The following WWOX variants were observed in gnomAD, a reference collection of about 807,000 sequenced individuals.
WWOX encodes the protein WW domain-containing oxidoreductase.
Under a neutral mutation model 46.2 loss-of-function variants are expected in WWOX, and 69 were observed. The ratio of observed to expected loss-of-function variants is 1.49; its 90% CI spans 1.23 to 1.82. The LOEUF is 1.82. Ranked by LOEUF, WWOX falls within the 40% of genes most tolerant of loss-of-function variation. WWOX has a pLI of 0.00. For synonymous variants in WWOX, 359 were observed against 202.6 expected (o/e 1.77, Z -6.56); for missense variants, 919 against 542.6 (o/e 1.69, Z -6.89).
chr16:78,342,516 C>A (rs73576484), intron 5 of WWOX, among the ~76,000 whole-genome samples: 1,945 of 120,014 alleles, frequency 0.016, 443 homozygotes, highest in African/African-American at 0.052. Context: ...GAGAGTGAGT[C>A]CCTGGCCCCT....
chr16:79,006,197 C>T (rs143707573), intron 8 of WWOX, among the ~76,000 whole-genome samples: 25 of 152,256 alleles, frequency 1.6e-4, no homozygotes, highest in East Asian at 9.7e-4. Context: ...GTTTGGCCTG[C>T]GGCAGGAAAG....
chr16:79,205,061 C>G (rs964875549), intron 8 of WWOX: 1 of 152,196 alleles, frequency 6.6e-6, no homozygotes, highest in Non-Finnish European at 1.5e-5. Context: ...TTTGGGATGG[C>G]TGCACCGTAA....
At chr16:78,596,704 C>A (rs1473241990) in intron 8 of WWOX, among the ~76,000 whole-genome samples, 1 of 152,104 alleles carries the variant, frequency 6.6e-6, no homozygotes, top group Non-Finnish European at 1.5e-5. Context: ...GAGAGGTAAG[C>A]CGGGCCTAGT....
At chr16:79,038,035 G>A (rs1194457621) in intron 8 of WWOX, among the ~76,000 whole-genome samples, 1 of 152,080 alleles carries the variant, frequency 6.6e-6, no homozygotes, top group Non-Finnish European at 1.5e-5. Flanking sequence ...CAGTTCCCCT[G>A]TACAGATTCC....
chr16:78,540,551 C>T (rs1470360351), intron 8 of WWOX, among the ~76,000 whole-genome samples: 2 of 152,158 alleles, frequency 1.3e-5, no homozygotes, highest in Non-Finnish European at 2.9e-5. Flanking sequence ...ACCAATTGCT[C>T]ATTAATGCTG....
At chr16:79,096,398 G>A (rs1351823729) in intron 8 of WWOX, among the ~76,000 whole-genome samples, 2 of 152,026 alleles carry the variant, frequency 1.3e-5, no homozygotes, top group African/African-American at 2.4e-5. Flanking sequence ...CTTCCTGCCA[G>A]TGCTCTTCCC....
In WWOX at chr16:78,316,053, C is replaced by G. The variant is rs1021721353; in HGVS notation, c.517-70807C>G. Among the ~76,000 whole-genome samples, 3 of 151,984 alleles carry G rather than the reference C, an allele frequency of 2.0e-5. No individual in the cohort carries two copies. The East Asian group carries it at 5.8e-4, about 29-fold the overall frequency. The stretch of plus-strand genomic sequence containing the variant: ...TTGAGGTCAGGAGTTTAAGATTAGC[C>G]TGGCCCACATGGTGAAACCCTGTCT... On this transcript the variant is annotated intron_variant, in intron 5 of 8. Coordinates refer to ENST00000566780, the MANE Select transcript of WWOX (RefSeq NM_016373.4).
At chr16:78,186,807 GA>G (rs1229631098) in intron 5 of WWOX, among the ~76,000 whole-genome samples, 7 of 152,150 alleles carry the variant, frequency 4.6e-5, no homozygotes, top group Non-Finnish European at 7.4e-5. Flanking sequence ...AATAAGTTTA[GA>G]TTCTCATAGA....
intron 5 of WWOX, among the ~76,000 whole-genome samples, chr16:78,170,708 T>C (rs2035129162): frequency 6.6e-6 from 1 of 152,264 alleles, no homozygotes; most frequent in Admixed American, 6.5e-5. Flanking sequence ...ATTTATGTGA[T>C]TGCTTTTTCT....
intron 8 of WWOX, among the ~76,000 whole-genome samples, chr16:78,735,538 T>A: frequency 6.6e-6 from 1 of 152,194 alleles, no homozygotes; most frequent in East Asian, 1.9e-4. Flanking sequence ...TGTTCCTGTT[T>A]TATACTCAGC....
At chr16:78,845,256 A>C (rs1280567997) in intron 8 of WWOX, among the ~76,000 whole-genome samples, 1 of 151,818 alleles carries the variant, frequency 6.6e-6, no homozygotes, top group Non-Finnish European at 1.5e-5. Context: ...GCTCAAAATG[A>C]AACTTAAGAC....
intron 8 of WWOX, among the ~76,000 whole-genome samples, chr16:78,861,048 G>A (rs1178142235): frequency 6.6e-6 from 1 of 151,894 alleles, no homozygotes; most frequent in Non-Finnish European, 1.5e-5. Flanking sequence ...TCGAACTCCT[G>A]GGCTCAAGCA....
intron 8 of WWOX, among the ~76,000 whole-genome samples, chr16:78,783,102 C>T (rs1431419602): frequency 3.3e-5 from 5 of 152,170 alleles, no homozygotes; most frequent in Admixed American, 3.3e-4. Context: ...AAATGAGCAG[C>T]TATGATCAAG....
intron 8 of WWOX, among the ~76,000 whole-genome samples, chr16:78,869,448 T>C (rs578101125): frequency 4.6e-4 from 70 of 152,354 alleles, no homozygotes; most frequent in African/African-American, 1.5e-3. Flanking sequence ...AACACAAGTT[T>C]ATACGCAAGA....
chr16:78,375,397 T>C (rs12597005), intron 5 of WWOX, among the ~76,000 whole-genome samples: 8,096 of 152,320 alleles, frequency 0.053, 283 homozygotes, highest in East Asian at 0.12. Context: ...TGCATTTCTA[T>C]TTAATGGCTT....
intron 8 of WWOX, among the ~76,000 whole-genome samples, chr16:78,930,248 T>TTCCTTCCTTCCTTCCTTCCTTCCA (rs2045591909): frequency 7.9e-6 from 1 of 126,710 alleles, no homozygotes; most frequent in Non-Finnish European, 1.7e-5. Context: ...CCTTCCTTCC[T>TTCCTTCCTTCCTTCCTTCCTTCCA]TCCTTCCTTC....
chr16:78,967,688 G>A (rs1246257774), intron 8 of WWOX, among the ~76,000 whole-genome samples: 1 of 152,084 alleles, frequency 6.6e-6, no homozygotes, highest in Non-Finnish European at 1.5e-5. Context: ...TCTAGTGGGT[G>A]TTAGGTTCCC....
At chr16:79,092,327 C>T (rs2048978644) in intron 8 of WWOX, among the ~76,000 whole-genome samples, 2 of 152,150 alleles carry the variant, frequency 1.3e-5, no homozygotes. Context: ...ATCAATCGTG[C>T]TGGGTGGCTT....
At chr16:78,230,502 T>G (rs1022029288) in intron 5 of WWOX, among the ~76,000 whole-genome samples, 22 of 152,232 alleles carry the variant, frequency 1.4e-4, no homozygotes, top group African/African-American at 5.1e-4. Flanking sequence ...AAATTGCATT[T>G]GAATTAATTG....
Sources: allele counts gnomAD v4.1 joint callset (sites outside exome capture counted in the v4.1 genomes callset), GRCh38; gene constraint gnomAD v4.1.1; transcripts MANE v1.5; gene names NCBI Gene and HGNC (gene_info 2026-07-23, HGNC 2026-07-21).